The following ADCY2 variants were observed in gnomAD, a reference collection of about 807,000 sequenced individuals.
ADCY2 encodes the protein adenylate cyclase type 2.
ADCY2 carries 31 observed loss-of-function variants against 125.2 expected under a neutral mutation model. The observed-to-expected ratio is 0.25, with a 90% confidence interval of 0.19 to 0.33. The LOEUF is 0.33. ADCY2 is among the 10% of genes least tolerant of loss of function. The pLI, the probability that ADCY2 is intolerant of heterozygous loss-of-function variation, is 1.00. For synonymous variants in ADCY2, 512 were observed against 548.4 expected, an observed-to-expected ratio of 0.93 and a Z score of 0.93; for missense variants, 904 against 1,418.2, an observed-to-expected ratio of 0.64 and a Z score of 5.82.
chr5:7,425,188 G>A (rs1740343874), intron 2 of ADCY2, among the ~76,000 whole-genome samples: 1 of 152,204 alleles, frequency 6.6e-6, no homozygotes, highest in Admixed American at 6.5e-5. Context: ...AGGTGTGAGT[G>A]GGGTCTGGGA....
At chr5:7,559,561 T>TA (rs1561094218) in intron 3 of ADCY2, among the ~76,000 whole-genome samples, 1 of 152,244 alleles carries the variant, frequency 6.6e-6, no homozygotes, top group African/African-American at 2.4e-5. Flanking sequence ...TTTATCAGCT[T>TA]AAGAAGCTTT....
intron 2 of ADCY2, among the ~76,000 whole-genome samples, chr5:7,467,155 C>A (rs1037919283): frequency 6.6e-6 from 1 of 152,184 alleles, no homozygotes; most frequent in Non-Finnish European, 1.5e-5. Context: ...CATGGCAAAT[C>A]CAGGCTGCTA....
intron 2 of ADCY2, among the ~76,000 whole-genome samples, chr5:7,419,392 C>G (rs1197993019): frequency 6.6e-6 from 1 of 152,198 alleles, no homozygotes; most frequent in Non-Finnish European, 1.5e-5. Context: ...TGTCCTCTCT[C>G]TGTGGAGTCA....
intron 20 of ADCY2, chr5:7,796,787 C>T (rs946699457): frequency 1.3e-5 from 2 of 152,274 alleles, no homozygotes; most frequent in South Asian, 4.1e-4. Flanking sequence ...AGCCTGTTCT[C>T]CCCACCTCTG....
At position 7,830,038 on chromosome 5, in the gene ADCY2, C is replaced by G. The variant is rs985921212; in HGVS notation, c.*3167C>G. On this transcript the variant is annotated 3_prime_UTR_variant, in exon 25 of 25. Coordinates refer to ENST00000338316, the MANE Select transcript of ADCY2 (RefSeq NM_020546.3). ...CAGAACGTAGTGAGCCTTGATTATA[C>G]CACTGCACTCCAGCCTGGGTGACAG... 2 of 152,010 alleles carry G rather than the reference C, an allele frequency of 1.3e-5. No homozygotes were observed. Among genetic ancestry groups the G allele is most frequent in the African/African-American group, 4.8e-5 (2 of 41,326 alleles). The allele number at this position is 152,010 out of a possible 1,614,324, so 9.4% of individuals were successfully genotyped here. A position where few individuals can be genotyped will look rare whatever the true frequency, so the allele number is the denominator to read the frequency against.
At chr5:7,448,587 G>A (rs1016362977) in intron 2 of ADCY2, among the ~76,000 whole-genome samples, 1 of 152,026 alleles carries the variant, frequency 6.6e-6, no homozygotes, top group Non-Finnish European at 1.5e-5. Context: ...CCATCACCTA[G>A]GTTTTAAGCC....
chr5:7,743,012 T>C (rs904794422), intron 14 of ADCY2, among the ~76,000 whole-genome samples: 23 of 152,284 alleles, frequency 1.5e-4, no homozygotes, highest in Middle Eastern at 3.4e-3. Flanking sequence ...TTAAGGGACC[T>C]TTCGGATATG....
intron 3 of ADCY2, among the ~76,000 whole-genome samples, chr5:7,585,374 G>A (rs893325412): frequency 2.0e-5 from 3 of 152,132 alleles, no homozygotes; most frequent in Admixed American, 6.5e-5. Flanking sequence ...AAACAATAAT[G>A]GTGATAGAAT....
intron 3 of ADCY2, among the ~76,000 whole-genome samples, chr5:7,616,950 C>A (rs1389591116): frequency 6.6e-6 from 1 of 152,054 alleles, no homozygotes; most frequent in Non-Finnish European, 1.5e-5. Flanking sequence ...AGAAGAGACC[C>A]TGTGAGGTCA....
intron 2 of ADCY2, among the ~76,000 whole-genome samples, chr5:7,477,623 G>A (rs965205420): frequency 6.6e-6 from 1 of 152,098 alleles, no homozygotes; most frequent in Non-Finnish European, 1.5e-5. Flanking sequence ...AGGCCCTGGT[G>A]TTTTTCTTTA....
At chr5:7,554,203 A>G (rs561490193) in intron 3 of ADCY2, among the ~76,000 whole-genome samples, 2 of 152,340 alleles carry the variant, frequency 1.3e-5, no homozygotes, top group South Asian at 2.1e-4. Flanking sequence ...GATTAGTCAG[A>G]TGTTTTCAAA....
intron 15 of ADCY2, among the ~76,000 whole-genome samples, chr5:7,748,547 C>G (rs941060737): frequency 1.3e-5 from 2 of 151,762 alleles, no homozygotes; most frequent in African/African-American, 2.4e-5. Flanking sequence ...CACACACACA[C>G]ACACACACAC....
At chr5:7,547,536 A>G (rs1207679958) in intron 3 of ADCY2, among the ~76,000 whole-genome samples, 1 of 152,186 alleles carries the variant, frequency 6.6e-6, no homozygotes, top group Non-Finnish European at 1.5e-5. Context: ...CCTGGTTCAG[A>G]TGCAGAAAGG....
chr5:7,566,579 T>C (rs1438540801), intron 3 of ADCY2, among the ~76,000 whole-genome samples: 1 of 152,170 alleles, frequency 6.6e-6, no homozygotes, highest in African/African-American at 2.4e-5. Flanking sequence ...ACTCTGTTTC[T>C]TCTTACTAAG....
intron 4 of ADCY2, among the ~76,000 whole-genome samples, chr5:7,647,556 A>T (rs1350188269): frequency 6.6e-6 from 1 of 152,170 alleles, no homozygotes; most frequent in Non-Finnish European, 1.5e-5. Flanking sequence ...CACACCTCAG[A>T]AATAGCCCTA....
chr5:7,667,013 G>A (rs1579295711), intron 4 of ADCY2, among the ~76,000 whole-genome samples: 1 of 152,216 alleles, frequency 6.6e-6, no homozygotes, highest in African/African-American at 2.4e-5. Context: ...TCAGTAGCTA[G>A]CGCTGTCCTG....
chr5:7,709,411 G>T lies in ADCY2; in HGVS notation c.1578+24G>T, dbSNP rs1741368317. 6.5e-7 allele frequency: 1 copy of T among 1,542,480 alleles called. No homozygotes were observed. ...CGGTATGCCCTCCCCTGCCTCCAAT[G>T]CCTGAGCACTGGGGGAAAGCTAACT... On this transcript the variant is annotated intron_variant, in intron 10 of 24. Coordinates refer to ENST00000338316, the MANE Select transcript of ADCY2 (RefSeq NM_020546.3). This position sits in a 1 kb window ranked among gnomAD's most constrained non-coding sequence, Gnocchi z 4.4.
chr5:7,670,843 A>T (rs1184008792), intron 4 of ADCY2, among the ~76,000 whole-genome samples: 1 of 152,112 alleles, frequency 6.6e-6, no homozygotes, highest in Non-Finnish European at 1.5e-5. Context: ...TCACTAACCC[A>T]CCACTCACCT....
chr5:7,659,859 G>A (rs1279555601), intron 4 of ADCY2, among the ~76,000 whole-genome samples: 2 of 152,226 alleles, frequency 1.3e-5, no homozygotes, highest in Non-Finnish European at 2.9e-5. Context: ...CCAAACTGGT[G>A]TGCCTAATAA....
Sources: gnomAD v4.1 joint callset for allele counts (sites outside exome capture counted in the v4.1 genomes callset) on GRCh38, gnomAD v4.1.1 for gene constraint, Gnocchi (gnomAD v3.1) non-coding constraint, MANE v1.5 for transcripts, NCBI Gene and HGNC (gene_info 2026-07-23, HGNC 2026-07-21) for gene names.